MBD2: variants seen among roughly 807,000 people sequenced by gnomAD.
The protein encoded by MBD2 is methyl-CpG-binding domain protein 2.
Under a neutral mutation model 39.3 loss-of-function variants are expected in MBD2, and 9 were observed. The ratio of observed to expected loss-of-function variants is 0.23; its 90% CI spans 0.14 to 0.40. MBD2 has a LOEUF of 0.40. Ranked by LOEUF, MBD2 falls within the 10% of genes least tolerant of loss-of-function variation. The probability of loss-of-function intolerance (pLI) is 1.00; values close to 1 mark genes in which losing one functional copy is unlikely to be tolerated. For synonymous variants in MBD2, 233 were observed against 211.1 expected, an observed-to-expected ratio of 1.10 and a Z score of -0.90; for missense variants, 458 against 532.6, an observed-to-expected ratio of 0.86 and a Z score of 1.38.
At chr18:54,199,656 A>G (rs575810088) in intron 2 of MBD2, among the ~76,000 whole-genome samples, 57 of 152,276 alleles carry the variant, frequency 3.7e-4, no homozygotes, top group Non-Finnish European at 5.7e-4. Context: ...GCCCCAAGTG[A>G]CCAAAGCCAG....
intron 1 of MBD2, among the ~76,000 whole-genome samples, chr18:54,219,098 C>T (rs2144354212): frequency 6.6e-6 from 1 of 152,166 alleles, no homozygotes; most frequent in East Asian, 1.9e-4. Flanking sequence ...CACTACTATA[C>T]CCGATGTTAC....
At chr18:54,197,246 CCA>C (rs1435399582) in intron 2 of MBD2, among the ~76,000 whole-genome samples, 1 of 152,196 alleles carries the variant, frequency 6.6e-6, no homozygotes, top group Non-Finnish European at 1.5e-5. Flanking sequence ...TCTACATTTT[CCA>C]CACACAGTCA....
intron 2 of MBD2, among the ~76,000 whole-genome samples, chr18:54,196,828 T>C (rs2086370745): frequency 6.6e-6 from 1 of 152,224 alleles, no homozygotes; most frequent in Non-Finnish European, 1.5e-5. Context: ...GCTAGTATCA[T>C]ACTGAACAAA....
chr18:54,151,893 C>G lies in MBD2; in HGVS notation c.*3431G>C, dbSNP rs1177486430. Reference sequence around the variant, plus strand: ...GCATTTCTTTCCTTTATAATACATACAGCTTCTAACACTTTTCCAACTGCA... The same window carrying G: ...GCATTTCTTTCCTTTATAATACATAGAGCTTCTAACACTTTTCCAACTGCA... On this transcript the variant is annotated 3_prime_UTR_variant, in exon 7 of 7. Transcript: ENST00000256429. 6.7e-6 allele frequency: 1 copy of G among 148,352 alleles called. No individual in the cohort carries two copies. The highest frequency in any genetic ancestry group is 2.0e-4 in the East Asian group (1 of 4,956). The allele number at this position is 148,352 out of a possible 1,614,324, so 9.2% of individuals were successfully genotyped here.
At chr18:54,210,103 T>A (rs1198203185) in intron 1 of MBD2, among the ~76,000 whole-genome samples, 2 of 151,944 alleles carry the variant, frequency 1.3e-5, no homozygotes, top group Non-Finnish European at 2.9e-5. Flanking sequence ...CAAAAAAAAA[T>A]TCCCTACCAA....
At chr18:54,220,868 A>T (rs976214849) in intron 1 of MBD2, among the ~76,000 whole-genome samples, 5 of 152,216 alleles carry the variant, frequency 3.3e-5, no homozygotes, top group African/African-American at 1.2e-4. Flanking sequence ...CATACACCTT[A>T]CTGACTCAGA....
chr18:54,201,947 G>A (rs1330411661), intron 2 of MBD2, among the ~76,000 whole-genome samples: 7 of 151,858 alleles, frequency 4.6e-5, no homozygotes, highest in African/African-American at 1.5e-4. Flanking sequence ...TGGAAAACAT[G>A]TTAAAATCAT....
At chr18:54,193,760 CAT>C (rs2086341771) in intron 2 of MBD2, among the ~76,000 whole-genome samples, 2 of 152,108 alleles carry the variant, frequency 1.3e-5, no homozygotes, top group South Asian at 4.1e-4. Context: ...AAGAGAGAAA[CAT>C]TCAATTACAC....
At chr18:54,158,225 C>T (rs936252218) in intron 6 of MBD2, among the ~76,000 whole-genome samples, 6 of 151,532 alleles carry the variant, frequency 4.0e-5, no homozygotes, top group African/African-American at 1.5e-4. Context: ...TGCATTCCAA[C>T]CACGTGGATA....
chr18:54,224,492 C>A lies in MBD2; in HGVS notation c.68G>T (p.Gly23Val), dbSNP rs2086645849. Residue 23 changes from glycine to valine, a missense_variant, in exon 1 of 7, where the codon GGC becomes GTC. Physicochemically the swap from Gly to Val is moderately radical, Grantham distance 109. Around this residue, in one of 2 missense-constraint regions of MBD2, gnomAD observed 269 missense variants for 236.0 expected, o/e 1.14. Coordinates refer to ENST00000256429, the MANE Select transcript of MBD2 (RefSeq NM_003927.5). ...EQEEGESAAG[G>V]SGAGGDSAIE... ...GGCGGAGTCGCCGCCAGCGCCGCTG[C>A]CGCCCGCCGCACTCTCCCCCTCCTC... 8.1e-7 allele frequency: 1 copy of A among 1,233,594 alleles called. No individual in the cohort carries two copies. The highest frequency in any genetic ancestry group is 1.0e-6 in the Non-Finnish European group (1 of 990,042). The allele number at this position is 1,233,594 out of a possible 1,614,324, so 76.4% of individuals were successfully genotyped here.
At chr18:54,172,215 G>C (rs1010314217) in intron 3 of MBD2, among the ~76,000 whole-genome samples, 7 of 152,120 alleles carry the variant, frequency 4.6e-5, no homozygotes, top group African/African-American at 1.7e-4. Flanking sequence ...GAGTTTTATG[G>C]GGATATCAAA....
At position 54,224,209 on chromosome 18, in the gene MBD2, ACCGCTGCCGCCGCCG is replaced by A. The variant is rs2086640572; in HGVS notation, c.336_350del (p.Ser116_Gly120del). The A allele has an allele frequency of 1.7e-6, 2 of 1,160,782 alleles. No individual in the cohort carries two copies. The highest frequency in any genetic ancestry group is 2.1e-6 in the Non-Finnish European group (2 of 945,630). 71.9% of individuals were successfully genotyped at this position (1,160,782 alleles called of 1,614,324 possible). A position where few individuals can be genotyped will look rare whatever the true frequency, so the allele number is the denominator to read the frequency against. ...GCTCCCGCCGGGGGGCGCCGCCGCC[ACCGCTGCCGCCGCCG>A]CCGCAGCCGCCGCCGTCGCCGCCAA... On this transcript the variant is annotated inframe_deletion, in exon 1 of 7. Coordinates refer to ENST00000256429, the MANE Select transcript of MBD2 (RefSeq NM_003927.5).
At chr18:54,214,371 A>T (rs140279750) in intron 1 of MBD2, among the ~76,000 whole-genome samples, 9 of 151,804 alleles carry the variant, frequency 5.9e-5, no homozygotes, top group African/African-American at 2.2e-4. Flanking sequence ...AATTTTTAAA[A>T]ATTTTTTGTA....
At chr18:54,158,145 T>C (rs2086067458) in intron 6 of MBD2, among the ~76,000 whole-genome samples, 2 of 152,130 alleles carry the variant, frequency 1.3e-5, no homozygotes, top group African/African-American at 4.8e-5. Context: ...TCAATCTCCC[T>C]AACAACCCAC....
At chr18:54,213,522 C>G (rs143974412) in intron 1 of MBD2, among the ~76,000 whole-genome samples, 1 of 152,148 alleles carries the variant, frequency 6.6e-6, no homozygotes, top group Non-Finnish European at 1.5e-5. Context: ...GGGTATGCCA[C>G]TAAAATGCGA....
intron 3 of MBD2, among the ~76,000 whole-genome samples, chr18:54,172,270 G>A (rs770573963): frequency 6.6e-6 from 1 of 152,092 alleles, no homozygotes; most frequent in South Asian, 2.1e-4. Flanking sequence ...AAGAATTGGT[G>A]TAACATATTT....
intron 3 of MBD2, among the ~76,000 whole-genome samples, chr18:54,187,446 AAGACTTT>A (rs2086293307): frequency 6.6e-6 from 1 of 152,232 alleles, no homozygotes; most frequent in Non-Finnish European, 1.5e-5. Flanking sequence ...CAAGATGTTC[AAGACTTT>A]AGACAGTATC....
chr18:54,202,046 T>G (rs1412695153), intron 2 of MBD2, among the ~76,000 whole-genome samples: 1 of 151,446 alleles, frequency 6.6e-6, no homozygotes, highest in East Asian at 1.9e-4. Context: ...AAGATAAGAG[T>G]TTAAAAACAA....
chr18:54,220,744 T>C (rs1474390142), intron 1 of MBD2, among the ~76,000 whole-genome samples: 1 of 152,232 alleles, frequency 6.6e-6, no homozygotes, highest in African/African-American at 2.4e-5. Context: ...AGTGACACTG[T>C]AAGCTGAAAA....
Sources: allele counts gnomAD v4.1 joint callset (sites outside exome capture counted in the v4.1 genomes callset), GRCh38; gene constraint gnomAD v4.1.1; regional missense constraint gnomAD v4.1.1; transcripts MANE v1.5; gene names NCBI Gene and HGNC (gene_info 2026-07-23, HGNC 2026-07-21).